HIBADH: variants seen among roughly 807,000 people sequenced by gnomAD.
HIBADH encodes 3-hydroxyisobutyrate dehydrogenase, mitochondrial.
HIBADH carries 25 observed loss-of-function variants against 36.1 expected under a neutral mutation model. That is an observed-to-expected ratio of 0.69 (90% CI 0.50 to 0.97). The LOEUF (loss-of-function observed/expected upper bound fraction) is 0.97, where lower values mean the gene tolerates loss of function less well. HIBADH is among the 50% of genes least tolerant of loss of function. The pLI, the probability that HIBADH is intolerant of heterozygous loss-of-function variation, is 0.00. For synonymous variants in HIBADH, 160 were observed against 149.5 expected, an observed-to-expected ratio of 1.07 and a Z score of -0.51; for missense variants, 421 against 418.0, an observed-to-expected ratio of 1.01 and a Z score of -0.06.
chr7:27,582,224 A>G (rs1784803847), intron 4 of HIBADH, among the ~76,000 whole-genome samples: 1 of 152,112 alleles, frequency 6.6e-6, no homozygotes, highest in South Asian at 2.1e-4. Context: ...AATGCAAAAG[A>G]GTTTTTCTTC....
At chr7:27,553,077 AAC>A (rs1400655830) in intron 4 of HIBADH, among the ~76,000 whole-genome samples, 3 of 152,206 alleles carry the variant, frequency 2.0e-5, no homozygotes, top group Non-Finnish European at 4.4e-5. Flanking sequence ...TTTCCTGCAC[AAC>A]ACACAAATTA....
chr7:27,606,968 CT>C (rs1355475756), intron 4 of HIBADH, among the ~76,000 whole-genome samples: 1 of 152,148 alleles, frequency 6.6e-6, no homozygotes, highest in Non-Finnish European at 1.5e-5. Context: ...CCCCCACCCC[CT>C]AACCCTTGTT....
chr7:27,656,625 G>A lies in HIBADH; in HGVS notation c.91+6073C>T, dbSNP rs113354710. ...TCTGATTTTCTGTATGGATACACAC[G>A]AAACAGTACTTACACCTGGAGAGTT... On this transcript the variant is annotated intron_variant, in intron 1 of 7. Coordinates refer to ENST00000265395, the MANE Select transcript of HIBADH (RefSeq NM_152740.4). Among the ~76,000 whole-genome samples, 15 of 152,032 alleles carry A rather than the reference G, an allele frequency of 9.9e-5. 1 individual carries two copies. Among genetic ancestry groups the A allele is most frequent in the African/African-American group, 3.1e-4 (13 of 41,356 alleles).
At chr7:27,607,408 A>T (rs1785247997) in intron 4 of HIBADH, among the ~76,000 whole-genome samples, 1 of 152,036 alleles carries the variant, frequency 6.6e-6, no homozygotes, top group South Asian at 2.1e-4. Context: ...ACATGGGAGG[A>T]AGAGGCAGGA....
chr7:27,590,180 A>G (rs1784919996), intron 4 of HIBADH, among the ~76,000 whole-genome samples: 1 of 152,180 alleles, frequency 6.6e-6, no homozygotes, highest in Non-Finnish European at 1.5e-5. Context: ...ATTTCATTTA[A>G]GTCTCAAAAT....
intron 4 of HIBADH, among the ~76,000 whole-genome samples, chr7:27,606,201 G>C (rs770244381): frequency 2.0e-5 from 3 of 152,128 alleles, no homozygotes; most frequent in Non-Finnish European, 4.4e-5. Flanking sequence ...TAACCAAGTT[G>C]CTTTGTAAAA....
intron 2 of HIBADH, among the ~76,000 whole-genome samples, chr7:27,633,463 G>C (rs1785784149): frequency 6.6e-6 from 1 of 152,130 alleles, no homozygotes; most frequent in Non-Finnish European, 1.5e-5. Flanking sequence ...GTGGAGACCA[G>C]TCTGGGTAAC....
chr7:27,614,595 T>C (rs1259657606), intron 4 of HIBADH, among the ~76,000 whole-genome samples: 1 of 152,210 alleles, frequency 6.6e-6, no homozygotes, highest in East Asian at 1.9e-4. Context: ...AACATAAGCA[T>C]AACACAGTTG....
chr7:27,607,795 T>C (rs1785256069), intron 4 of HIBADH, among the ~76,000 whole-genome samples: 1 of 152,160 alleles, frequency 6.6e-6, no homozygotes, highest in South Asian at 2.1e-4. Flanking sequence ...AAATATGCCA[T>C]TAGTGCATAG....
chr7:27,649,671 C>T (rs766043288), intron 1 of HIBADH, 38 bp from the exon 2 acceptor site: 1 of 1,477,542 alleles, frequency 6.8e-7, no homozygotes, highest in South Asian at 1.4e-5. Context: ...GGGCAAATAA[C>T]ATTTTTTATT....
chr7:27,584,334 T>C (rs1359942927), intron 4 of HIBADH, among the ~76,000 whole-genome samples: 1 of 152,084 alleles, frequency 6.6e-6, no homozygotes, highest in Non-Finnish European at 1.5e-5. Context: ...GCAGATATTC[T>C]AAATTCCCAG....
chr7:27,531,578 CCTT>C lies in HIBADH; in HGVS notation c.696-233_696-231del, dbSNP rs1337742459. Reference sequence around the variant, plus strand: ...AGGACCATTTTGCATTTGGAGAAAACCTTCTATGTTATCCTATTATTAAGAAAA... The same window carrying C: ...AGGACCATTTTGCATTTGGAGAAAACCTATGTTATCCTATTATTAAGAAAA... On this transcript the variant is annotated intron_variant, in intron 6 of 7. Transcript: ENST00000265395. Among the ~76,000 whole-genome samples, 33 of 152,206 alleles carry C rather than the reference CCTT, an allele frequency of 2.2e-4. 1 individual carries two copies. Among genetic ancestry groups the C allele is most frequent in the Admixed American group, 2.0e-3 (31 of 15,274 alleles).
Position 27,531,146 on chromosome 7 carries a change from C to T in HIBADH, c.852+46G>A, listed in dbSNP as rs773838133. The T allele has an allele frequency of 2.3e-5, 35 of 1,531,264 alleles. 1 individual carries two copies. The East Asian group carries it at 6.7e-4, about 29-fold the overall frequency. 94.9% of individuals were successfully genotyped at this position (1,531,264 alleles called of 1,614,324 possible). A position where few individuals can be genotyped will look rare whatever the true frequency, so the allele number is the denominator to read the frequency against. ...AAAGAGAAGGAAGGTGTTATTGGAC[C>T]GTGAAACGTTTTTCCTTCTCTCTTG... On this transcript the variant is annotated intron_variant, in intron 7 of 7. Coordinates refer to ENST00000265395, the MANE Select transcript of HIBADH (RefSeq NM_152740.4).
At chr7:27,600,402 G>C (rs1271771360) in intron 4 of HIBADH, among the ~76,000 whole-genome samples, 1 of 151,834 alleles carries the variant, frequency 6.6e-6, no homozygotes, top group African/African-American at 2.4e-5. Context: ...ACCCACTAAA[G>C]GTCTTTGCCA....
intron 7 of HIBADH, among the ~76,000 whole-genome samples, chr7:27,530,094 A>G (rs1407846972): frequency 1.3e-5 from 2 of 152,246 alleles, no homozygotes; most frequent in Admixed American, 1.3e-4. Flanking sequence ...CGTAATTTTT[A>G]TATGTACTGG....
intron 4 of HIBADH, among the ~76,000 whole-genome samples, chr7:27,616,655 T>C (rs1294969637): frequency 6.6e-6 from 1 of 151,904 alleles, no homozygotes; most frequent in East Asian, 1.9e-4. Context: ...AGAGAAGGAG[T>C]CTTGCCATAT....
intron 2 of HIBADH, among the ~76,000 whole-genome samples, chr7:27,638,378 A>G (rs1785894011): frequency 6.6e-6 from 1 of 151,284 alleles, no homozygotes; most frequent in African/African-American, 2.4e-5. Context: ...TGCTGGAATA[A>G]CTGGCTAGCC....
intron 6 of HIBADH, among the ~76,000 whole-genome samples, chr7:27,538,068 G>A (rs1405010054): frequency 6.6e-6 from 1 of 152,086 alleles, no homozygotes; most frequent in African/African-American, 2.4e-5. Flanking sequence ...GAAGAAATGG[G>A]GGTCCCACAT....
At chr7:27,527,837 G>C (rs557601864) in intron 7 of HIBADH, among the ~76,000 whole-genome samples, 1 of 143,632 alleles carries the variant, frequency 7.0e-6, no homozygotes, top group East Asian at 2.1e-4. Flanking sequence ...AGCAACCTCT[G>C]CCTCCTGGGT....
Sources: allele counts gnomAD v4.1 joint callset (sites outside exome capture counted in the v4.1 genomes callset), GRCh38; gene constraint gnomAD v4.1.1; transcripts MANE v1.5; gene names NCBI Gene and HGNC (gene_info 2026-07-23, HGNC 2026-07-21).